PAK1: variants seen among roughly 807,000 people sequenced by gnomAD.
The protein encoded by PAK1 is serine/threonine-protein kinase PAK 1.
In PAK1, 29 loss-of-function variants were observed where a neutral mutation model predicts 67.4. The ratio of observed to expected loss-of-function variants is 0.43; its 90% CI spans 0.32 to 0.59. The LOEUF is 0.59. PAK1 is among the 20% of genes least tolerant of loss of function. The probability of loss-of-function intolerance (pLI) is 0.07; values close to 1 mark genes in which losing one functional copy is unlikely to be tolerated. For missense variants in PAK1, 337 were observed against 670.7 expected (o/e 0.50, Z 5.50); for synonymous variants, 223 against 237.4 (o/e 0.94, Z 0.56).
intron 11 of PAK1, among the ~76,000 whole-genome samples, chr11:77,340,416 C>T (rs983039845): frequency 6.6e-6 from 1 of 152,080 alleles, no homozygotes; most frequent in Non-Finnish European, 1.5e-5. Context: ...TATATACTTT[C>T]TAGTACTTTA....
At chr11:77,480,952 A>G in the PAK1 span, among the ~76,000 whole-genome samples, 2 of 152,242 alleles carry the variant, frequency 1.3e-5, no homozygotes, top group Admixed American at 6.5e-5. Flanking sequence ...CTGGTGTATA[A>G]TACATGCTTA....
chr11:77,442,225 T>C (rs1400885227), intron 1 of PAK1, among the ~76,000 whole-genome samples: 1 of 152,198 alleles, frequency 6.6e-6, no homozygotes, highest in Non-Finnish European at 1.5e-5. Context: ...GCCTCTAAGA[T>C]AGTACCCTAT....
chr11:77,356,075 T>C, intron 6 of PAK1: 1 of 404,116 alleles, frequency 2.5e-6, no homozygotes, highest in Non-Finnish European at 4.4e-6. Context: ...ACTAAAGATA[T>C]TCAATAGAGG....
chr11:77,482,044 A>G, the PAK1 span, among the ~76,000 whole-genome samples: 1 of 151,864 alleles, frequency 6.6e-6, no homozygotes, highest in African/African-American at 2.4e-5. Context: ...GCTGGAGTGT[A>G]GTGGCACGAT....
intron 13 of PAK1, among the ~76,000 whole-genome samples, chr11:77,335,491 T>C (rs1189231453): frequency 6.6e-6 from 1 of 152,214 alleles, no homozygotes; most frequent in Non-Finnish European, 1.5e-5. Context: ...CTGATTCCTC[T>C]TTCTCTAATA....
chr11:77,501,543 C>T, the PAK1 span, among the ~76,000 whole-genome samples: 1 of 152,314 alleles, frequency 6.6e-6, no homozygotes, highest in African/African-American at 2.4e-5. Flanking sequence ...GCTGATCCCA[C>T]CCTGTTCCAG....
the PAK1 span, chr11:77,515,102 C>T: frequency 4.6e-5 from 7 of 152,144 alleles, no homozygotes; most frequent in African/African-American, 1.7e-4. Flanking sequence ...CCAAAACATC[C>T]AACTTAGCTT....
intron 2 of PAK1, among the ~76,000 whole-genome samples, chr11:77,389,298 A>C (rs1485001792): frequency 6.6e-6 from 1 of 152,120 alleles, no homozygotes; most frequent in Non-Finnish European, 1.5e-5. Flanking sequence ...CATTGTATGG[A>C]TATTCCACAT....
At chr11:77,501,160 A>C in the PAK1 span, among the ~76,000 whole-genome samples, 589 of 148,524 alleles carry the variant, frequency 4.0e-3, 9 homozygotes, top group African/African-American at 0.014. Context: ...CAAAAAAAAA[A>C]ACAAAAAACA....
chr11:77,460,401 G>A (rs1439403668), intron 1 of PAK1, among the ~76,000 whole-genome samples: 1 of 151,162 alleles, frequency 6.6e-6, no homozygotes, highest in African/African-American at 2.4e-5. Context: ...GTTATGATGA[G>A]GTTGTGGAGA....
chr11:77,378,328 T>TAC (rs958089983), intron 4 of PAK1, among the ~76,000 whole-genome samples: 4 of 152,192 alleles, frequency 2.6e-5, no homozygotes, highest in African/African-American at 9.7e-5. Context: ...AGACCTGGGT[T>TAC]CTAATCCCAA....
chr11:77,487,308 C>G, the PAK1 span, among the ~76,000 whole-genome samples: 449 of 152,236 alleles, frequency 2.9e-3, 3 homozygotes, highest in African/African-American at 0.01. Flanking sequence ...CAGGGATAGC[C>G]AGGTGGTACT....
intron 5 of PAK1, among the ~76,000 whole-genome samples, chr11:77,370,500 T>G (rs1216997944): frequency 6.6e-6 from 1 of 152,230 alleles, no homozygotes; most frequent in Non-Finnish European, 1.5e-5. Context: ...CCCTTGAAGA[T>G]GACCCATGAC....
At chr11:77,371,881 C>A (rs1167942975) in intron 5 of PAK1, among the ~76,000 whole-genome samples, 2 of 152,188 alleles carry the variant, frequency 1.3e-5, no homozygotes, top group Non-Finnish European at 2.9e-5. Flanking sequence ...TCTTCCTCCT[C>A]AATAACAAAC....
intron 1 of PAK1, among the ~76,000 whole-genome samples, chr11:77,431,701 T>G (rs1955868222): frequency 6.6e-6 from 1 of 152,182 alleles, no homozygotes; most frequent in South Asian, 2.1e-4. Context: ...AAAATGGCAC[T>G]CTTCATAAGG....
At chr11:77,441,359 C>A (rs12365581) in intron 1 of PAK1, among the ~76,000 whole-genome samples, 1 of 152,188 alleles carries the variant, frequency 6.6e-6, no homozygotes, top group Non-Finnish European at 1.5e-5. Context: ...AAAAGCCAAC[C>A]CATTTCTTTT....
At chr11:77,498,654 C>T in the PAK1 span, among the ~76,000 whole-genome samples, 1 of 149,176 alleles carries the variant, frequency 6.7e-6, no homozygotes, top group Admixed American at 6.8e-5. Flanking sequence ...AATGAATGCC[C>T]GAAGAAATAA....
At chr11:77,382,571 T>C (rs556988686) in intron 2 of PAK1, among the ~76,000 whole-genome samples, 2 of 152,308 alleles carry the variant, frequency 1.3e-5, no homozygotes, top group Admixed American at 6.5e-5. Context: ...CTATCTTATA[T>C]AATTCCTTGC....
chr11:77,349,525 C>T, intron 8 of PAK1: 1 of 499,090 alleles, frequency 2.0e-6, no homozygotes, highest in Admixed American at 3.2e-5. Flanking sequence ...CTAGTACCTA[C>T]TAGGTAGGAT....
Sources: allele counts gnomAD v4.1 joint callset (sites outside exome capture counted in the v4.1 genomes callset), GRCh38; gene constraint gnomAD v4.1.1; transcripts MANE v1.5; gene names NCBI Gene and HGNC (gene_info 2026-07-23, HGNC 2026-07-21).